The following ST6GALNAC3 variants were observed in gnomAD, a reference collection of about 807,000 sequenced individuals.
ST6GALNAC3 encodes ST6 N-acetylgalactosaminide alpha-2,6-sialyltransferase 3.
ST6GALNAC3 carries 25 observed loss-of-function variants against 32.7 expected under a neutral mutation model. The ratio of observed to expected loss-of-function variants is 0.76; its 90% confidence interval spans 0.56 to 1.07. ST6GALNAC3 has a LOEUF of 1.07. Ranked by LOEUF, ST6GALNAC3 falls within the 50% of genes least tolerant of loss-of-function variation. The pLI is 0.00. For synonymous variants in ST6GALNAC3, 129 were observed against 133.1 expected, an observed-to-expected ratio of 0.97 and a Z score of 0.21; for missense variants, 355 against 382.4, an observed-to-expected ratio of 0.93 and a Z score of 0.60.
intron 1 of ST6GALNAC3, among the ~76,000 whole-genome samples, chr1:76,084,776 G>A (rs928062250): frequency 1.1e-5 from 1 of 92,360 alleles, no homozygotes; most frequent in African/African-American, 4.5e-5. Flanking sequence ...CCAACTCGTT[G>A]TCCTAGACCA....
At chr1:76,446,642 G>A (rs1026898053) in intron 3 of ST6GALNAC3, among the ~76,000 whole-genome samples, 3 of 152,166 alleles carry the variant, frequency 2.0e-5, no homozygotes, top group South Asian at 2.1e-4. Flanking sequence ...TGTTGTGGGA[G>A]GGACCCAGTG....
intron 3 of ST6GALNAC3, among the ~76,000 whole-genome samples, chr1:76,534,892 G>A (rs1381782076): frequency 6.6e-6 from 1 of 152,152 alleles, no homozygotes; most frequent in Non-Finnish European, 1.5e-5. Flanking sequence ...CTATGTTCTA[G>A]TTTCTAGTTT....
chr1:76,215,616 C>G (rs1655410661), intron 1 of ST6GALNAC3, among the ~76,000 whole-genome samples: 1 of 152,204 alleles, frequency 6.6e-6, no homozygotes, highest in South Asian at 2.1e-4. Context: ...AAAATGCATG[C>G]TGCATGTAGT....
At chr1:76,078,414 C>T (rs949566584) in intron 1 of ST6GALNAC3, among the ~76,000 whole-genome samples, 4 of 152,092 alleles carry the variant, frequency 2.6e-5, no homozygotes, top group Non-Finnish European at 4.4e-5. Flanking sequence ...CAATGCATAG[C>T]GCTAGTTCTC....
At chr1:76,463,052 C>T (rs1024802321) in intron 3 of ST6GALNAC3, among the ~76,000 whole-genome samples, 3 of 152,088 alleles carry the variant, frequency 2.0e-5, no homozygotes, top group Admixed American at 6.6e-5. Context: ...TATTATAAAA[C>T]TGTCACCAAA....
chr1:76,155,374 T>A (rs1651334522), intron 1 of ST6GALNAC3, among the ~76,000 whole-genome samples: 1 of 152,234 alleles, frequency 6.6e-6, no homozygotes, highest in Admixed American at 6.5e-5. Context: ...CATGGGTAAT[T>A]TTTGGTTGTT....
chr1:76,470,028 A>G lies in ST6GALNAC3; in HGVS notation c.623+57611A>G, dbSNP rs1279881848. 2.6e-5 allele frequency among the ~76,000 whole-genome samples: 4 copies of G among 152,248 alleles called. 1 individual carries two copies. Among genetic ancestry groups the G allele is most frequent in the Admixed American group, 2.0e-4 (3 of 15,268 alleles). On this transcript the variant is annotated intron_variant, in intron 3 of 4. Transcript: ENST00000328299. ...CAACTACTAAATAAATATCATTAGT[A>G]TTATGACTTTAATTGAAGACCAAGG...
chr1:76,221,899 T>C (rs900242138), intron 1 of ST6GALNAC3, among the ~76,000 whole-genome samples: 2 of 152,102 alleles, frequency 1.3e-5, no homozygotes, highest in Admixed American at 6.5e-5. Flanking sequence ...CCTGCAAAAC[T>C]TTATTATCCA....
At position 76,589,947 on chromosome 1, in the gene ST6GALNAC3, G is replaced by A. The variant is rs371463452; in HGVS notation, c.624-37505G>A. ...GGAGGAGGGCTCCAGTTCTGCTCTC[G>A]TAATCCATTTTTTATTCAGCGTCAC... is the stretch of plus-strand genomic sequence containing the variant. On this transcript the variant is annotated intron_variant, in intron 3 of 4. Transcript: ENST00000328299. 3.0e-3 allele frequency among the ~76,000 whole-genome samples: 318 copies of A among 106,382 alleles called. 2 individuals carry two copies. Among genetic ancestry groups the A allele is most frequent in the African/African-American group, 8.2e-3 (295 of 35,826 alleles). 69.8% of individuals were successfully genotyped at this position (106,382 alleles called of 152,430 possible).
intron 1 of ST6GALNAC3, among the ~76,000 whole-genome samples, 179 bp downstream of exon 1, chr1:76,075,063 A>C (rs1464095557): frequency 1.3e-5 from 2 of 152,248 alleles, no homozygotes; most frequent in African/African-American, 4.8e-5. Flanking sequence ...TGCAGCTGGC[A>C]CAGCTTCTTT....
At chr1:76,193,399 A>G (rs1654018783) in intron 1 of ST6GALNAC3, among the ~76,000 whole-genome samples, 1 of 152,200 alleles carries the variant, frequency 6.6e-6, no homozygotes. Flanking sequence ...TACCATAAGT[A>G]CCAACTCACA....
Position 76,412,098 on chromosome 1 carries a change from T to G in ST6GALNAC3, c.304T>G (p.Ser102Ala), listed in dbSNP as rs1316522555. ...QKVGNEIDRSSCIWRMNNAPT... is the reference protein window; with the variant it reads ...QKVGNEIDRSACIWRMNNAPT... ...GGTGGGAAATGAGATAGATCGATCCTCCTGCATTTGGAGAATGAACAATGC... is the reference window on the plus strand; with the variant it reads ...GGTGGGAAATGAGATAGATCGATCCGCCTGCATTTGGAGAATGAACAATGC... The change falls in exon 3 of 5, where the codon TCC (serine) becomes GCC (alanine). Residue 102 changes from serine (S) to alanine (A), a missense_variant. Physicochemically the swap from Ser to Ala is moderately conservative, Grantham distance 99. Transcript: ENST00000328299. The G allele has an allele frequency of 6.2e-7, 1 of 1,613,688 alleles. No homozygotes were observed. The highest frequency in any genetic ancestry group is 8.5e-7 in the Non-Finnish European group (1 of 1,179,790).
At chr1:76,388,805 G>A (rs1404726172) in intron 2 of ST6GALNAC3, among the ~76,000 whole-genome samples, 3 of 152,046 alleles carry the variant, frequency 2.0e-5, no homozygotes, top group African/African-American at 7.2e-5. Flanking sequence ...TAATTCTGCA[G>A]GTCCAAGTAT....
chr1:76,250,884 A>G (rs887686719), intron 1 of ST6GALNAC3, among the ~76,000 whole-genome samples: 1 of 152,194 alleles, frequency 6.6e-6, no homozygotes, highest in Non-Finnish European at 1.5e-5. Flanking sequence ...GACTTCAGTC[A>G]ACCACTCTAC....
chr1:76,353,916 G>A (rs1368636359), intron 2 of ST6GALNAC3: 1 of 167,060 alleles, frequency 6.0e-6, no homozygotes, highest in Non-Finnish European at 1.3e-5. Context: ...GTGGGTCTTT[G>A]ACAGTTGGGG....
At chr1:76,091,734 G>GTGCT (rs1404741462) in intron 1 of ST6GALNAC3, among the ~76,000 whole-genome samples, 1 of 152,170 alleles carries the variant, frequency 6.6e-6, no homozygotes. Flanking sequence ...GCACAGTAAT[G>GTGCT]TGCTGTATGG....
rs530750836 is a variant in ST6GALNAC3, at chr1:76,249,697, T to TA, written c.19-64108_19-64107insA. Among the ~76,000 whole-genome samples the TA allele has an allele frequency of 7.7e-4, 117 of 152,336 alleles. 1 individual carries two copies. The highest frequency in any genetic ancestry group is 3.4e-3 in the Middle Eastern group (1 of 294). On this transcript the variant is annotated intron_variant, in intron 1 of 4. Coordinates refer to ENST00000328299, the MANE Select transcript of ST6GALNAC3 (RefSeq NM_152996.4). ...TTAATTGCCAAACTGTTTTCATAAG[T>TA]GGCTGAATCATTTTACAATCCTACC...
intron 2 of ST6GALNAC3, among the ~76,000 whole-genome samples, chr1:76,366,523 A>G (rs1329134616): frequency 6.6e-6 from 1 of 152,224 alleles, no homozygotes; most frequent in Non-Finnish European, 1.5e-5. Flanking sequence ...TATTTTGAAC[A>G]TCTTATTTCA....
intron 3 of ST6GALNAC3, among the ~76,000 whole-genome samples, chr1:76,531,763 G>A (rs114942377): frequency 1.4e-3 from 206 of 152,256 alleles, no homozygotes; most frequent in African/African-American, 4.8e-3. Flanking sequence ...GGCAGGAACC[G>A]TGTTAACTTC....
Sources: allele counts gnomAD v4.1 joint callset (sites outside exome capture counted in the v4.1 genomes callset), GRCh38; gene constraint gnomAD v4.1.1; transcripts MANE v1.5; gene names NCBI Gene and HGNC (gene_info 2026-07-23, HGNC 2026-07-21).